Variants in EYA4 observed in about 807,000 individuals in gnomAD.
EYA4 encodes the protein protein phosphatase EYA4.
Under a neutral mutation model 87.9 loss-of-function variants are expected in EYA4, and 31 were observed. The observed-to-expected ratio is 0.35, with a 90% CI of 0.27 to 0.48. The LOEUF (loss-of-function observed/expected upper bound fraction) is 0.48, where lower values mean the gene tolerates loss of function less well. EYA4 is among the 20% of genes least tolerant of loss of function. The pLI, the probability that EYA4 is intolerant of heterozygous loss-of-function variation, is 0.99. For missense variants in EYA4, 678 were observed against 761.4 expected (o/e 0.89, Z 1.29); for synonymous variants, 263 against 270.6 (o/e 0.97, Z 0.28).
At chr6:133,468,880 G>T in intron 11 of EYA4, 149 bp downstream of exon 11, 1 of 787,880 alleles carries the variant, frequency 1.3e-6, no homozygotes, top group South Asian at 1.5e-5. Flanking sequence ...GTAAGACGAG[G>T]CTCTTCTGGC....
At chr6:133,371,664 A>G (rs766047199) in intron 2 of EYA4, among the ~76,000 whole-genome samples, 10 of 152,140 alleles carry the variant, frequency 6.6e-5, no homozygotes, top group Admixed American at 3.3e-4. Flanking sequence ...TCAAAATTGT[A>G]TGATCTAACT....
At chr6:133,433,742 C>A (rs984980884) in intron 3 of EYA4, among the ~76,000 whole-genome samples, 1 of 152,192 alleles carries the variant, frequency 6.6e-6, no homozygotes, top group African/African-American at 2.4e-5. Context: ...CATTGAACAG[C>A]AGAATCAGAA....
chr6:133,388,463 A>G (rs1786965086), intron 3 of EYA4, among the ~76,000 whole-genome samples: 1 of 151,706 alleles, frequency 6.6e-6, no homozygotes, highest in Non-Finnish European at 1.5e-5. Flanking sequence ...GTCTTATCAC[A>G]TATGTGCCCA....
chr6:133,267,532 G>A lies in EYA4; in HGVS notation c.-65-7184G>A, dbSNP rs868506077. On this transcript the variant is annotated intron_variant, in intron 1 of 19. Coordinates refer to ENST00000355286, the MANE Select transcript of EYA4 (RefSeq NM_004100.5). ...TGAGTAATTGGGATTACAGGCGCCC[G>A]CCACCATGCCCGGCTAATTTTTTGT... Among the ~76,000 whole-genome samples the A allele has an allele frequency of 5.9e-5, 9 of 152,000 alleles. No individual in the cohort carries two copies. The East Asian group carries it at 1.2e-3, about 20-fold the overall frequency.
chr6:133,405,053 A>T (rs1426985114), intron 3 of EYA4, among the ~76,000 whole-genome samples: 2 of 152,096 alleles, frequency 1.3e-5, no homozygotes, highest in Non-Finnish European at 2.9e-5. Context: ...AGCCTGCTTC[A>T]CTGAGAATCA....
chr6:133,468,545 A>G (rs950691061), intron 10 of EYA4, 21 bp from the exon 11 acceptor site: 3 of 1,584,766 alleles, frequency 1.9e-6, no homozygotes, highest in Admixed American at 1.7e-5. Context: ...TCAAACACAC[A>G]CATCTCAATT....
At chr6:133,275,920 A>T (rs934879217) in intron 2 of EYA4, among the ~76,000 whole-genome samples, 1 of 152,198 alleles carries the variant, frequency 6.6e-6, no homozygotes, top group African/African-American at 2.4e-5. Context: ...AATGGTAGAG[A>T]TATATTCCTC....
chr6:133,308,554 C>CTAA (rs1177871004), intron 2 of EYA4, among the ~76,000 whole-genome samples: 5 of 152,210 alleles, frequency 3.3e-5, no homozygotes, highest in Non-Finnish European at 4.4e-5. Context: ...CTTCCCCTTT[C>CTAA]TAATGGCTCC....
At chr6:133,482,971 G>A (rs1161932118) in intron 12 of EYA4, 61 bp from the exon 13 acceptor site, 4 of 1,290,158 alleles carry the variant, frequency 3.1e-6, no homozygotes, top group Non-Finnish European at 4.5e-6. Context: ...TTTTCTGCTT[G>A]TAAAGAGATT....
intron 19 of EYA4, among the ~76,000 whole-genome samples, chr6:133,526,177 G>A (rs1049936434): frequency 5.3e-5 from 8 of 152,082 alleles, no homozygotes; most frequent in Admixed American, 1.3e-4. Context: ...TGCCTTCACC[G>A]AATGATAGAA....
intron 2 of EYA4, among the ~76,000 whole-genome samples, chr6:133,377,544 A>G (rs1785800349): frequency 1.4e-5 from 2 of 147,200 alleles, no homozygotes; most frequent in African/African-American, 5.0e-5. Flanking sequence ...GAAACAACGC[A>G]GAAGTTGTTT....
chr6:133,416,670 A>C (rs1422699192), intron 3 of EYA4, among the ~76,000 whole-genome samples: 1 of 152,222 alleles, frequency 6.6e-6, no homozygotes, highest in Non-Finnish European at 1.5e-5. Flanking sequence ...CACATGCATA[A>C]GAATTTATAC....
At chr6:133,525,038 A>G (rs778516711) in intron 18 of EYA4, 116 bp from the exon 19 acceptor site, 3 of 1,613,638 alleles carry the variant, frequency 1.9e-6, no homozygotes, top group Non-Finnish European at 2.5e-6. Context: ...TTTTGAGCGT[A>G]TAGTGTCCAG....
Position 133,260,964 on chromosome 6 carries a change from C to T in EYA4, c.-65-13752C>T, listed in dbSNP as rs193183820. On this transcript the variant is annotated intron_variant, in intron 1 of 19. Coordinates refer to ENST00000355286, the MANE Select transcript of EYA4 (RefSeq NM_004100.5). ...AAAACGATAACAACACAAATGTAAA[C>T]GTACCTTTTCCTCTTAACTTTTCCA... Among the ~76,000 whole-genome samples, 5 of 152,282 alleles carry T rather than the reference C, an allele frequency of 3.3e-5. No individual in the cohort carries two copies. The East Asian group carries it at 5.8e-4, about 18-fold the overall frequency.
At chr6:133,412,021 G>C (rs73776034) in intron 3 of EYA4, among the ~76,000 whole-genome samples, 1 of 152,172 alleles carries the variant, frequency 6.6e-6, no homozygotes, top group African/African-American at 2.4e-5. Context: ...AATTGTTGCT[G>C]TTCTGTTCCC....
At chr6:133,345,065 G>A (rs901950749) in intron 2 of EYA4, among the ~76,000 whole-genome samples, 1 of 152,018 alleles carries the variant, frequency 6.6e-6, no homozygotes, top group Non-Finnish European at 1.5e-5. Flanking sequence ...CTGTAATAAG[G>A]TAAAATTGTT....
intron 13 of EYA4, among the ~76,000 whole-genome samples, chr6:133,493,392 G>A (rs1012102571): frequency 1.3e-5 from 2 of 152,252 alleles, no homozygotes; most frequent in African/African-American, 4.8e-5. Flanking sequence ...GGAGATCCAC[G>A]TGAAGAAGAA....
chr6:133,385,549 C>G (rs73559670), intron 3 of EYA4, among the ~76,000 whole-genome samples: 1,557 of 151,766 alleles, frequency 0.01, 27 homozygotes, highest in African/African-American at 0.036. Context: ...ATACTGTATC[C>G]GCATAAAATG....
At chr6:133,524,060 G>T (rs1377328775) in intron 18 of EYA4, among the ~76,000 whole-genome samples, 4 of 152,132 alleles carry the variant, frequency 2.6e-5, no homozygotes. Flanking sequence ...CAGTTAAGGA[G>T]AGCCAAGCTT....
Sources: allele counts gnomAD v4.1 joint callset (sites outside exome capture counted in the v4.1 genomes callset), GRCh38; gene constraint gnomAD v4.1.1; transcripts MANE v1.5; gene names NCBI Gene and HGNC (gene_info 2026-07-23, HGNC 2026-07-21).